The following DDB2 variants were observed in gnomAD, a reference collection of about 807,000 sequenced individuals.
DDB2 encodes the protein damage specific DNA binding protein 2, also known as DNA damage-binding protein 2.
A neutral mutation model predicts 50.5 loss-of-function variants in DDB2; 27 were observed. The ratio of observed to expected loss-of-function variants is 0.53; its 90% CI spans 0.39 to 0.74. The LOEUF is 0.74. DDB2 is among the 30% of genes least tolerant of loss of function. The probability of loss-of-function intolerance (pLI) is 0.00; values close to 1 mark genes in which losing one functional copy is unlikely to be tolerated. For synonymous variants in DDB2, 176 were observed against 205.5 expected, an observed-to-expected ratio of 0.86 and a Z score of 1.23; for missense variants, 424 against 545.6, an observed-to-expected ratio of 0.78 and a Z score of 2.22.
At chr11:47,217,177 A>C (rs1173949638) in intron 3 of DDB2, 128 bp downstream of exon 3, 1 of 766,244 alleles carries the variant, frequency 1.3e-6, no homozygotes, top group Non-Finnish European at 2.2e-6. Context: ...GGAGTTTGAG[A>C]CCAGCCTGGC....
chr11:47,233,795 G>C (rs557614906), intron 4 of DDB2, among the ~76,000 whole-genome samples: 125 of 152,174 alleles, frequency 8.2e-4, no homozygotes, highest in Middle Eastern at 3.2e-3. Flanking sequence ...GAGGAATTAA[G>C]TGAGGGTGCT....
intron 3 of DDB2, among the ~76,000 whole-genome samples, chr11:47,229,468 A>G (rs1254000573): frequency 6.6e-6 from 1 of 152,068 alleles, no homozygotes; most frequent in Non-Finnish European, 1.5e-5. Flanking sequence ...TGCCCTCGGG[A>G]GGGTAAAAGA....
In DDB2 at chr11:47,224,840, C is replaced by A. The variant is rs1590993513; in HGVS notation, c.456+7791C>A. Among the ~76,000 whole-genome samples the A allele has an allele frequency of 2.6e-5, 4 of 151,618 alleles. No homozygotes were observed. The East Asian group carries it at 7.8e-4, about 30-fold the overall frequency. On this transcript the variant is annotated intron_variant, in intron 3 of 9. Transcript: ENST00000256996. ...CAGGGCTGCTCCATAGGCAAAGTAG[C>A]CCAGCGTATTTTTCATTTCAGATAC...
rs1364408795 is a variant in DDB2 at position 47,234,648 on chromosome 11, C to G, written c.678C>G (p.Ile226Met). The G allele has an allele frequency of 1.2e-6, 2 of 1,614,118 alleles. No homozygotes were observed. The part of the protein sequence containing the change: ...VVTGDNVGNV[I>M]LLNMDGKELW... Reference sequence around the variant, plus strand: ...CAGGAGACAACGTGGGGAACGTGATCCTGCTGAACATGGACGGCAAAGAGG... The same window carrying G: ...CAGGAGACAACGTGGGGAACGTGATGCTGCTGAACATGGACGGCAAAGAGG... Residue 226 changes from isoleucine to methionine, a missense_variant, in exon 5 of 10, where the codon ATC becomes ATG. Coordinates refer to ENST00000256996, the MANE Select transcript of DDB2 (RefSeq NM_000107.3).
chr11:47,238,098 C>A, intron 8 of DDB2, 40 bp from the exon 9 acceptor site: 4 of 1,609,452 alleles, frequency 2.5e-6, no homozygotes, highest in Non-Finnish European at 3.4e-6. Flanking sequence ...TCTGCTAATA[C>A]CTTCACCCTC....
chr11:47,215,723 G>T (rs992045022), intron 1 of DDB2: 1 of 266,572 alleles, frequency 3.8e-6, no homozygotes, highest in African/African-American at 2.2e-5. Context: ...ACTCAAAAAC[G>T]AGCTGGGGCT....
intron 6 of DDB2, 69 bp from the exon 7 acceptor site, chr11:47,235,201 A>G: frequency 1.9e-6 from 3 of 1,581,118 alleles, no homozygotes; most frequent in Non-Finnish European, 2.6e-6. Flanking sequence ...CCTGCAGGAG[A>G]AGGCCTGCAA....
rs199967513 is a variant in DDB2, at chr11:47,225,597, T to TA, written c.457-7205dup. Among the ~76,000 whole-genome samples, 99 of 141,248 alleles carry TA rather than the reference T, an allele frequency of 7.0e-4. No individual in the cohort carries two copies. The Middle Eastern group carries it at 0.022, about 31-fold the overall frequency. The allele number at this position is 141,248 out of a possible 152,430, so 92.7% of individuals were successfully genotyped here. Reference sequence around the variant, plus strand: ...ACAGAGCGAGACTCCATCTCTATTTTAAAAAAAAAAAACAAAAAACTGGTA... The same window carrying TA: ...ACAGAGCGAGACTCCATCTCTATTTTAAAAAAAAAAAAACAAAAAACTGGTA... On this transcript the variant is annotated intron_variant, in intron 3 of 9. Transcript: ENST00000256996.
chr11:47,215,444 G>C, intron 1 of DDB2, 181 bp downstream of exon 1: 1 of 770,472 alleles, frequency 1.3e-6, no homozygotes, highest in Non-Finnish European at 2.2e-6. Context: ...CACCTCTCCC[G>C]CTAGGTAACA....
At chr11:47,229,937 C>T (rs532889094) in intron 3 of DDB2, 21 of 335,070 alleles carry the variant, frequency 6.3e-5, no homozygotes, top group African/African-American at 4.2e-4. Flanking sequence ...CTCAAGTCAC[C>T]ATCCCACCTC....
rs140886714 is a variant in DDB2, at chr11:47,235,307, G to A, written c.918G>A (p.Thr306=). 69 of 1,614,194 alleles carry A rather than the reference G, an allele frequency of 4.3e-5. No individual in the cohort carries two copies. The African/African-American group carries it at 7.1e-4, about 17-fold the overall frequency. The change falls in exon 7 of 10, where the codon ACG becomes ACA. Residue 306 remains threonine, a synonymous_variant. Transcript: ENST00000256996. ...FSPDGARLLT[T]DQKSEIRVYS... ...CCGATGGAGCCCGGCTCCTGACCAC[G>A]GACCAGAAGAGCGAGATCCGAGTTT...
At chr11:47,215,388 G>A in intron 1 of DDB2, 125 bp downstream of exon 1, 1 of 1,412,136 alleles carries the variant, frequency 7.1e-7, no homozygotes, top group Non-Finnish European at 9.9e-7. Flanking sequence ...CTCCGGCTGT[G>A]CATTCTACCT....
At chr11:47,229,423 G>A (rs538003695) in intron 3 of DDB2, among the ~76,000 whole-genome samples, 2 of 152,272 alleles carry the variant, frequency 1.3e-5, no homozygotes, top group East Asian at 3.9e-4. Flanking sequence ...GTGTCTGCAT[G>A]GTTGAGGGAG....
intron 3 of DDB2, among the ~76,000 whole-genome samples, chr11:47,218,847 A>G (rs1953438989): frequency 6.6e-6 from 1 of 152,156 alleles, no homozygotes; most frequent in Admixed American, 6.6e-5. Context: ...TTTTTCTCAA[A>G]CAAAGACACA....
At chr11:47,234,505 G>C in intron 4 of DDB2, 68 bp from the exon 5 acceptor site, 1 of 1,282,966 alleles carries the variant, frequency 7.8e-7, no homozygotes, top group Non-Finnish European at 1.1e-6. Context: ...AGTCACCGGA[G>C]CGGCAACAGT....
chr11:47,232,509 G>T (rs1032398614), intron 3 of DDB2, among the ~76,000 whole-genome samples: 6 of 151,340 alleles, frequency 4.0e-5, no homozygotes, highest in Non-Finnish European at 5.9e-5. Flanking sequence ...AGAAAAATTA[G>T]CTGGGCATGG....
intron 3 of DDB2, among the ~76,000 whole-genome samples, chr11:47,223,509 G>A (rs928079865): frequency 4.7e-5 from 7 of 150,178 alleles, no homozygotes; most frequent in Non-Finnish European, 5.9e-5. Context: ...GGCTGGGCGC[G>A]GTGGCTGACA....
intron 3 of DDB2, among the ~76,000 whole-genome samples, chr11:47,230,768 A>G (rs79712270): frequency 1.8e-4 from 27 of 152,292 alleles, no homozygotes; most frequent in African/African-American, 5.5e-4. Flanking sequence ...GAAGAAGTGG[A>G]AAAGGTGGAG....
chr11:47,232,965 T>C lies in DDB2; in HGVS notation c.602+6T>C. The C allele has an allele frequency of 6.2e-7, 1 of 1,613,968 alleles. No individual in the cohort carries two copies. Among genetic ancestry groups the C allele is most frequent in the Non-Finnish European group, 8.5e-7 (1 of 1,179,904 alleles). ...GCCAGCTCAGACACCATCAAGTGAG[T>C]AGTTTAACTAGCAGGGGAAAGGGCT... On this transcript the variant is annotated splice_donor_region_variant and intron_variant, in intron 4 of 9. Coordinates refer to ENST00000256996, the MANE Select transcript of DDB2 (RefSeq NM_000107.3).
Sources: allele counts gnomAD v4.1 joint callset (sites outside exome capture counted in the v4.1 genomes callset), GRCh38; gene constraint gnomAD v4.1.1; transcripts MANE v1.5; gene names NCBI Gene and HGNC (gene_info 2026-07-23, HGNC 2026-07-21).